TTLL13: variants seen among roughly 807,000 people sequenced by gnomAD.
TTLL13 encodes the protein tubulin polyglutamylase TTLL13.
chr15:90,264,758 G>A, the TTLL13 span: 7 of 1,536,118 alleles, frequency 4.6e-6, no homozygotes, highest in Admixed American at 2.0e-5. Flanking sequence ...CATAAACCGA[G>A]TCCTGGCAGG....
At chr15:90,253,377 T>C in the TTLL13 span, 10 of 1,604,344 alleles carry the variant, frequency 6.2e-6, no homozygotes, top group South Asian at 8.9e-5. Flanking sequence ...GGTACCCATC[T>C]CCTGACCTGA....
the TTLL13 span, chr15:90,265,045 A>T: frequency 1.4e-6 from 2 of 1,443,736 alleles, no homozygotes; most frequent in South Asian, 1.4e-5. Context: ...TGCTAAATGA[A>T]TGACTGCCAC....
At chr15:90,256,601 C>CTTTA in the TTLL13 span, among the ~76,000 whole-genome samples, 1 of 32,992 alleles carries the variant, frequency 3.0e-5, no homozygotes, top group Non-Finnish European at 5.8e-5. Flanking sequence ...TTCTTTCTTT[C>CTTTA]TTTCTTTCCT....
the TTLL13 span, chr15:90,262,764 G>A: frequency 3.2e-6 from 4 of 1,263,956 alleles, no homozygotes; most frequent in Non-Finnish European, 4.2e-6. Flanking sequence ...TCCTCCCCAT[G>A]CACAAGAGAG....
the TTLL13 span, chr15:90,258,336 A>C: frequency 7.4e-7 from 1 of 1,349,808 alleles, no homozygotes; most frequent in Admixed American, 1.7e-5. Context: ...GACACCTGGG[A>C]CAGGGGTACA....
At chr15:90,264,288 T>G in the TTLL13 span, among the ~76,000 whole-genome samples, 1 of 152,150 alleles carries the variant, frequency 6.6e-6, no homozygotes, top group Non-Finnish European at 1.5e-5. Context: ...ACTCACGGGC[T>G]CAAGTAATTC....
chr15:90,252,209 T>G, the TTLL13 span, among the ~76,000 whole-genome samples: 1 of 152,196 alleles, frequency 6.6e-6, no homozygotes, highest in East Asian at 1.9e-4. Flanking sequence ...CTGGCTAATT[T>G]TGTACTTTTA....
chr15:90,260,734 C>T, the TTLL13 span, among the ~76,000 whole-genome samples: 1 of 151,602 alleles, frequency 6.6e-6, no homozygotes, highest in Non-Finnish European at 1.5e-5. Flanking sequence ...GCCTGTAATC[C>T]CAGCTACTCA....
At chr15:90,264,717 CAGA>C in the TTLL13 span, 1 of 1,535,670 alleles carries the variant, frequency 6.5e-7, no homozygotes, top group Non-Finnish European at 8.7e-7. Context: ...GTTTCCACTG[CAGA>C]AGGACAAGCC....
the TTLL13 span, chr15:90,263,045 T>C: frequency 6.5e-7 from 1 of 1,536,060 alleles, no homozygotes; most frequent in Non-Finnish European, 8.7e-7. Context: ...AAGGCCCTGC[T>C]ACAAAGGGAG....
At chr15:90,252,913 G>T in the TTLL13 span, among the ~76,000 whole-genome samples, 1 of 152,180 alleles carries the variant, frequency 6.6e-6, no homozygotes, top group African/African-American at 2.4e-5. Context: ...TGAGGCACGA[G>T]AATCTCTTGA....
At chr15:90,256,382 G>A in the TTLL13 span, 2 of 1,558,984 alleles carry the variant, frequency 1.3e-6, no homozygotes, top group Non-Finnish European at 1.8e-6. Context: ...GGAGGAAGCT[G>A]GTCTTAGGCT....
the TTLL13 span, among the ~76,000 whole-genome samples, chr15:90,259,984 C>T: frequency 6.6e-6 from 1 of 152,148 alleles, no homozygotes; most frequent in South Asian, 2.1e-4. Flanking sequence ...GTGTTTGATT[C>T]CCCACGAGAG....
the TTLL13 span, among the ~76,000 whole-genome samples, chr15:90,255,322 A>G: frequency 3.9e-5 from 6 of 152,186 alleles, no homozygotes; most frequent in Admixed American, 1.3e-4. Flanking sequence ...AGTGGGTGCC[A>G]TGGCATCACA....
At chr15:90,259,389 C>CA in the TTLL13 span, among the ~76,000 whole-genome samples, 811 of 130,742 alleles carry the variant, frequency 6.2e-3, 3 homozygotes, top group African/African-American at 0.02. Context: ...GACCCTGTTT[C>CA]AAAAAAAAAA....
At chr15:90,263,249 C>T in the TTLL13 span, 2 of 1,092,744 alleles carry the variant, frequency 1.8e-6, no homozygotes, top group Admixed American at 2.9e-5. Flanking sequence ...TGGTATCTGT[C>T]AGTGGAGCCT....
the TTLL13 span, among the ~76,000 whole-genome samples, chr15:90,252,414 C>G: frequency 6.6e-6 from 1 of 152,086 alleles, no homozygotes; most frequent in Non-Finnish European, 1.5e-5. Flanking sequence ...CTCCTGGGCT[C>G]AAGTGATCCT....
At chr15:90,253,305 ACT>A in the TTLL13 span, 1 of 1,613,616 alleles carries the variant, frequency 6.2e-7, no homozygotes, top group South Asian at 1.1e-5. Flanking sequence ...TGAAGAGTGG[ACT>A]CTGTACTGGA....
chr15:90,251,599 G>C, the TTLL13 span: 1 of 1,613,900 alleles, frequency 6.2e-7, no homozygotes, highest in Non-Finnish European at 8.5e-7. Flanking sequence ...AGAGTGGTAA[G>C]CACCCAGCCC....
Sources: allele counts gnomAD v4.1 joint callset (sites outside exome capture counted in the v4.1 genomes callset), GRCh38; gene constraint gnomAD v4.1.1; transcripts MANE v1.5; gene names NCBI Gene and HGNC (gene_info 2026-07-23, HGNC 2026-07-21).